MINDY3: variants seen among roughly 807,000 people sequenced by gnomAD.
MINDY3 encodes MINDY lysine 48 deubiquitinase 3, also known as ubiquitin carboxyl-terminal hydrolase MINDY-3.
A neutral mutation model predicts 69.2 loss-of-function variants in MINDY3; 38 were observed. The observed-to-expected ratio is 0.55, with a 90% CI of 0.42 to 0.72. The LOEUF is 0.72. Among genes scored for constraint, MINDY3 ranks in the 30% least tolerant of loss-of-function variants. MINDY3 has a pLI of 0.00. For synonymous variants in MINDY3, 192 were observed against 180.1 expected (o/e 1.07, Z -0.53); for missense variants, 522 against 519.0 (o/e 1.01, Z -0.06).
chr10:15,838,137 G>C (rs555860048), intron 5 of MINDY3, 91 bp downstream of exon 5: 1 of 1,373,664 alleles, frequency 7.3e-7, no homozygotes, highest in African/African-American at 1.5e-5. Flanking sequence ...GCATTTCTAT[G>C]TAAAACTAAG....
chr10:15,819,278 T>C (rs1044142762), intron 9 of MINDY3, among the ~76,000 whole-genome samples: 1 of 152,162 alleles, frequency 6.6e-6, no homozygotes, highest in Non-Finnish European at 1.5e-5. Flanking sequence ...AAGCATCTCA[T>C]AGAAAGTAAA....
At chr10:15,827,176 TA>T (rs56332799) in intron 8 of MINDY3, among the ~76,000 whole-genome samples, 18,387 of 44,846 alleles carry the variant, frequency 0.41, 2,248 homozygotes, top group South Asian at 0.47. Context: ...ATAACAGGAG[TA>T]AAAAAAAAAA....
intron 2 of MINDY3, among the ~76,000 whole-genome samples, chr10:15,843,820 T>C (rs904390617): frequency 6.6e-6 from 1 of 152,092 alleles, no homozygotes; most frequent in Non-Finnish European, 1.5e-5. Flanking sequence ...GAGTCAACGA[T>C]GTTACATTGG....
chr10:15,795,626 T>C (rs1837758666), intron 11 of MINDY3, among the ~76,000 whole-genome samples: 1 of 152,038 alleles, frequency 6.6e-6, no homozygotes, highest in Non-Finnish European at 1.5e-5. Flanking sequence ...TAATGATATA[T>C]ATGTGAACTT....
intron 8 of MINDY3, among the ~76,000 whole-genome samples, chr10:15,829,623 T>C (rs1208650536): frequency 1.5e-4 from 23 of 152,192 alleles, no homozygotes; most frequent in Admixed American, 1.4e-3. Flanking sequence ...TTGAAGGCAC[T>C]GAGCAGAGAA....
At chr10:15,813,943 C>G (rs1839180473) in intron 10 of MINDY3, among the ~76,000 whole-genome samples, 1 of 142,766 alleles carries the variant, frequency 7.0e-6, no homozygotes, top group Non-Finnish European at 1.5e-5. Flanking sequence ...TGTTTCAGGC[C>G]ACTGAATGTA....
rs1353427101 is a variant in MINDY3 at position 15,845,674 on chromosome 10, A to AT, written c.174+2189dup. 2.9e-3 allele frequency among the ~76,000 whole-genome samples: 394 copies of AT among 137,484 alleles called. 1 individual carries two copies. The highest frequency in any genetic ancestry group is 7.3e-3 in the Middle Eastern group (2 of 274). The allele number at this position is 137,484 out of a possible 152,430, so 90.2% of individuals were successfully genotyped here. A position where few individuals can be genotyped will look rare whatever the true frequency, so the allele number is the denominator to read the frequency against. On this transcript the variant is annotated intron_variant, in intron 2 of 14. Transcript: ENST00000277632. ...CTACCATGTCCAGCTAATTTTTTCA[A>AT]TTTTTTTTTTTTTTTAGAGCAGGGG... is the stretch of plus-strand genomic sequence containing the variant.
intron 11 of MINDY3, 75 bp downstream of exon 11, chr10:15,796,025 T>A: frequency 3.7e-6 from 4 of 1,076,480 alleles, no homozygotes; most frequent in Non-Finnish European, 4.3e-6. Flanking sequence ...ATCTTTTGAA[T>A]AAAATCAGGT....
intron 8 of MINDY3, among the ~76,000 whole-genome samples, chr10:15,823,148 A>G (rs138986833): frequency 2.0e-5 from 3 of 152,184 alleles, no homozygotes; most frequent in Admixed American, 2.0e-4. Flanking sequence ...AAGAGCTGAC[A>G]GTTTAACTTT....
chr10:15,829,181 C>G (rs375470235), intron 8 of MINDY3, among the ~76,000 whole-genome samples: 5 of 152,254 alleles, frequency 3.3e-5, no homozygotes, highest in African/African-American at 9.6e-5. Context: ...AAAACTTTTC[C>G]TGCTGTCGGG....
chr10:15,809,639 C>T (rs1195203738), intron 10 of MINDY3, among the ~76,000 whole-genome samples: 1 of 152,076 alleles, frequency 6.6e-6, no homozygotes, highest in African/African-American at 2.4e-5. Context: ...TCACCCGTAT[C>T]CTCTTATTAG....
rs747893028 is a variant in MINDY3 at position 15,786,553 on chromosome 10, T to C, written c.1116+8A>G. The C allele has an allele frequency of 1.4e-6, 2 of 1,461,812 alleles. No homozygotes were observed. The highest frequency in any genetic ancestry group is 2.8e-5 in the African/African-American group (2 of 71,012). 90.6% of individuals were successfully genotyped at this position (1,461,812 alleles called of 1,614,324 possible). On this transcript the variant is annotated splice_region_variant and intron_variant, in intron 13 of 14. Transcript: ENST00000277632. ...ATAACAATGAATATATTTCCTCAAC[T>C]ATGTTACCTGATCAGGAAAAAATTC...
At position 15,829,561 on chromosome 10, in the gene MINDY3, T is replaced by C. The variant is rs377505353; in HGVS notation, c.730+4069A>G. Among the ~76,000 whole-genome samples the C allele has an allele frequency of 2.2e-4, 34 of 152,322 alleles. 1 individual carries two copies. The highest frequency in any genetic ancestry group is 6.5e-4 in the African/African-American group (27 of 41,570). On this transcript the variant is annotated intron_variant, in intron 8 of 14. Coordinates refer to ENST00000277632, the MANE Select transcript of MINDY3 (RefSeq NM_024948.4). ...GGGTTGAGTACGAACACAGAGGCTC[T>C]TGAATGCTAAGAAGCTGAAACTTTA...
intron 2 of MINDY3, 98 bp downstream of exon 2, chr10:15,847,766 T>A (rs1833954359): frequency 1.4e-6 from 1 of 736,222 alleles, no homozygotes; most frequent in Admixed American, 2.4e-5. Context: ...ATTGATTATG[T>A]CTCATAATTA....
In MINDY3 at chr10:15,837,217, A is replaced by G. The variant is rs141513453; in HGVS notation, c.563T>C (p.Val188Ala). 6 of 1,589,050 alleles carry G rather than the reference A, an allele frequency of 3.8e-6. No homozygotes were observed. In the African/African-American group the frequency reaches 8.1e-5, roughly 21 times the overall value. ...KFGVLLFLYSVLLTKGIENIK... is the reference protein window; with the variant it reads ...KFGVLLFLYSALLTKGIENIK... ...TCTTGAACACACCTTTGTCAGTAAT[A>G]CAGAATACAGAAAAAGCAATACTCC... Residue 188 changes from valine (V) to alanine (A), a missense_variant, in exon 6 of 15, where the codon GTA (valine) becomes GCA (alanine). Transcript: ENST00000277632.
chr10:15,798,293 TAA>T (rs1293416323), intron 10 of MINDY3, among the ~76,000 whole-genome samples: 1 of 152,034 alleles, frequency 6.6e-6, no homozygotes, highest in Non-Finnish European at 1.5e-5. Flanking sequence ...TGCTACAAAG[TAA>T]AGTTTGGGAA....
chr10:15,856,774 T>C (rs1266833771), intron 1 of MINDY3, among the ~76,000 whole-genome samples: 1 of 152,200 alleles, frequency 6.6e-6, no homozygotes, highest in Admixed American at 6.5e-5. Flanking sequence ...AATGTTTTTA[T>C]TTATACAAGA....
At chr10:15,785,263 C>G (rs900918831) in intron 13 of MINDY3, among the ~76,000 whole-genome samples, 2 of 152,186 alleles carry the variant, frequency 1.3e-5, no homozygotes, top group South Asian at 4.1e-4. Flanking sequence ...GAGAGGAACA[C>G]AGAGGCAACA....
intron 5 of MINDY3, chr10:15,837,607 C>A: frequency 1.5e-6 from 2 of 1,321,698 alleles, no homozygotes; most frequent in Middle Eastern, 2.1e-4. Context: ...CAATAATATA[C>A]AGTTATTTAA....
Sources: allele counts gnomAD v4.1 joint callset (sites outside exome capture counted in the v4.1 genomes callset), GRCh38; gene constraint gnomAD v4.1.1; transcripts MANE v1.5; gene names NCBI Gene and HGNC (gene_info 2026-07-23, HGNC 2026-07-21).